Variants in NDUFA10 observed in about 807,000 individuals in gnomAD.
NDUFA10 encodes NADH:ubiquinone oxidoreductase subunit A10.
A neutral mutation model predicts 47.8 loss-of-function variants in NDUFA10; 40 were observed. The observed-to-expected ratio is 0.84, with a 90% CI of 0.65 to 1.09. The LOEUF is 1.09. NDUFA10 is among the 50% of genes least tolerant of loss of function. The pLI, the probability that NDUFA10 is intolerant of heterozygous loss-of-function variation, is 0.00. For missense variants in NDUFA10, 413 were observed against 451.1 expected, an observed-to-expected ratio of 0.92 and a Z score of 0.76; for synonymous variants, 183 against 172.2, an observed-to-expected ratio of 1.06 and a Z score of -0.49.
chr2:239,981,926 G>C (rs900745738), intron 9 of NDUFA10, among the ~76,000 whole-genome samples: 6 of 151,506 alleles, frequency 4.0e-5, no homozygotes, highest in Non-Finnish European at 7.4e-5. Flanking sequence ...CTCCCAGAAA[G>C]CGAGAAATTG....
intron 9 of NDUFA10, among the ~76,000 whole-genome samples, chr2:239,968,519 G>A (rs1389049618): frequency 2.6e-5 from 4 of 152,228 alleles, no homozygotes; most frequent in Non-Finnish European, 5.9e-5. Context: ...GGCAGTAACA[G>A]GGTCTGTACT....
chr2:239,944,029 C>G (rs564162078), intron 4 of NDUFA10, among the ~76,000 whole-genome samples: 2 of 152,296 alleles, frequency 1.3e-5, no homozygotes, highest in African/African-American at 4.8e-5. Flanking sequence ...TCCTGGGCCT[C>G]CCCTGTGTCC....
intron 4 of NDUFA10, chr2:239,943,201 C>G (rs1694390163): frequency 6.5e-6 from 1 of 154,464 alleles, no homozygotes; most frequent in Non-Finnish European, 1.5e-5. Context: ...TCTCCAGATC[C>G]CAAGCACAGA....
chr2:239,914,183 C>T (rs1693800365), intron 4 of NDUFA10, among the ~76,000 whole-genome samples: 1 of 151,232 alleles, frequency 6.6e-6, no homozygotes, highest in Non-Finnish European at 1.5e-5. Flanking sequence ...AGAACACACA[C>T]ATACACAGAC....
intron 4 of NDUFA10, among the ~76,000 whole-genome samples, chr2:239,909,561 C>T (rs1440775485): frequency 2.6e-5 from 4 of 151,986 alleles, no homozygotes; most frequent in Admixed American, 1.3e-4. Flanking sequence ...TGGAGTGAGC[C>T]GAGATCGCAC....
chr2:240,022,716 T>G (rs1175851973), intron 1 of NDUFA10, among the ~76,000 whole-genome samples: 3 of 150,774 alleles, frequency 2.0e-5, no homozygotes, highest in Admixed American at 6.6e-5. Flanking sequence ...AGCTCAGGAG[T>G]GAAGGGAAGG....
intron 4 of NDUFA10, among the ~76,000 whole-genome samples, chr2:239,915,435 G>C (rs1693846374): frequency 7.6e-5 from 9 of 118,044 alleles, no homozygotes; most frequent in African/African-American, 2.9e-4. Flanking sequence ...CAAATATACA[G>C]ACACACACAC....
At chr2:239,907,708 C>T (rs1290746969) in intron 4 of NDUFA10, among the ~76,000 whole-genome samples, 6 of 152,174 alleles carry the variant, frequency 3.9e-5, no homozygotes, top group South Asian at 2.1e-4. Context: ...TACCATCTCA[C>T]ACCAGTTAGA....
intron 7 of NDUFA10, among the ~76,000 whole-genome samples, chr2:240,005,626 G>C (rs1696921394): frequency 6.6e-6 from 1 of 152,112 alleles, no homozygotes; most frequent in Admixed American, 6.5e-5. Flanking sequence ...CAAAGTGCTG[G>C]GATTATAGAC....
intron 4 of NDUFA10, among the ~76,000 whole-genome samples, chr2:239,920,693 C>G (rs568135340): frequency 6.6e-6 from 1 of 152,284 alleles, no homozygotes; most frequent in East Asian, 1.9e-4. Flanking sequence ...GGGACGTGGC[C>G]TTTAAGGGAG....
Position 239,945,447 on chromosome 2 carries a change from G to A in NDUFA10, c.294+44627C>T, listed in dbSNP as rs1313559445. On this transcript the variant is annotated intron_variant, in intron 4 of 5. Transcript: ENST00000419408. The surrounding 1 kb of genome is among the most constrained non-coding windows in gnomAD (Gnocchi z 4.6). ...CAGCTCCTTTCAAAGACGCTGGGAG[G>A]CCCCTCGGGGGAAGAGCGGACACCC... Among the ~76,000 whole-genome samples the A allele has an allele frequency of 6.6e-6, 1 of 152,140 alleles. No homozygotes were observed. The highest frequency in any genetic ancestry group is 1.9e-4 in the East Asian group (1 of 5,158).
intron 4 of NDUFA10, among the ~76,000 whole-genome samples, chr2:239,927,229 A>G (rs558100812): frequency 1.3e-5 from 2 of 152,360 alleles, no homozygotes; most frequent in South Asian, 2.1e-4. Flanking sequence ...AAAAAGTAAT[A>G]GAATAAAGCT....
At chr2:239,994,781 AC>A (rs1466064928) in intron 8 of NDUFA10, among the ~76,000 whole-genome samples, 2 of 152,162 alleles carry the variant, frequency 1.3e-5, no homozygotes, top group African/African-American at 4.8e-5. Flanking sequence ...AGGTAAATTT[AC>A]AAACACACAC....
At chr2:239,965,810 A>C (rs1344706206) in intron 9 of NDUFA10, among the ~76,000 whole-genome samples, 1 of 152,236 alleles carries the variant, frequency 6.6e-6, no homozygotes, top group Non-Finnish European at 1.5e-5. Context: ...AGCGCCTAAC[A>C]GAAAAAGGAA....
At chr2:239,949,709 C>T (rs1694520320) in intron 4 of NDUFA10, among the ~76,000 whole-genome samples, 1 of 151,868 alleles carries the variant, frequency 6.6e-6, no homozygotes, top group Admixed American at 6.6e-5. Flanking sequence ...GTCTCCAACT[C>T]AGCCTCAAGC....
intron 9 of NDUFA10, among the ~76,000 whole-genome samples, chr2:239,962,210 T>TAC (rs59356951): frequency 0.077 from 11,503 of 149,588 alleles, 510 homozygotes; most frequent in African/African-American, 0.13. Flanking sequence ...TCAATTTGTG[T>TAC]ACACACACAC....
At chr2:239,929,073 C>T (rs13011531) in intron 4 of NDUFA10, among the ~76,000 whole-genome samples, 8 of 152,212 alleles carry the variant, frequency 5.3e-5, no homozygotes, top group African/African-American at 1.9e-4. Flanking sequence ...CTTCCCACTG[C>T]TCTTTAAAAA....
chr2:239,907,770 G>C (rs1175074680), intron 4 of NDUFA10, among the ~76,000 whole-genome samples: 2 of 152,192 alleles, frequency 1.3e-5, no homozygotes, highest in Non-Finnish European at 2.9e-5. Context: ...AGGATGTGGA[G>C]AAATAGGAAC....
Position 239,959,472 on chromosome 2 carries a change from A to C in NDUFA10, c.*1646T>G. 3 of 985,466 alleles carry C rather than the reference A, an allele frequency of 3.0e-6. No homozygotes were observed. Among genetic ancestry groups the C allele is most frequent in the Non-Finnish European group, 3.6e-6 (3 of 829,950 alleles). 61.0% of individuals were successfully genotyped at this position (985,466 alleles called of 1,614,324 possible). On this transcript the variant is annotated 3_prime_UTR_variant, in exon 10 of 10. Transcript: ENST00000252711. Reference sequence around the variant, plus strand: ...GTTTGTGAAGTGCTCAGAGCAAAAGACACTCTGTGACTGGCCCAATGCCCA... The same window carrying C: ...GTTTGTGAAGTGCTCAGAGCAAAAGCCACTCTGTGACTGGCCCAATGCCCA...
Sources: gnomAD v4.1 joint callset for allele counts (sites outside exome capture counted in the v4.1 genomes callset) on GRCh38, gnomAD v4.1.1 for gene constraint, Gnocchi (gnomAD v3.1) non-coding constraint, MANE v1.5 for transcripts, NCBI Gene and HGNC (gene_info 2026-07-23, HGNC 2026-07-21) for gene names.